Variants in PKMYT1 observed in about 807,000 individuals in gnomAD.
The protein encoded by PKMYT1 is membrane-associated tyrosine- and threonine-specific cdc2-inhibitory kinase.
A neutral mutation model predicts 49.7 loss-of-function variants in PKMYT1; 35 were observed. The observed-to-expected ratio is 0.70, with a 90% CI of 0.54 to 0.93. The LOEUF is 0.93. Among genes scored for constraint, PKMYT1 ranks in the 40% least tolerant of loss-of-function variants. The pLI is 0.00. For synonymous variants in PKMYT1, 331 were observed against 287.6 expected, an observed-to-expected ratio of 1.15 and a Z score of -1.53; for missense variants, 677 against 673.1, an observed-to-expected ratio of 1.01 and a Z score of -0.06.
In PKMYT1 at chr16:2,974,364, T is replaced by A; in HGVS notation, c.1033A>T (p.Lys345Ter). ...VLVMMLEPDP[K>*]LRATAEALLA... ...AGGGCCTCGGCCGTGGCCCGCAGCT[T>A]GGGGTCTGGCTCCAGCATCATGACA... Residue 345 changes from lysine (K) to a stop codon, truncating the protein, a stop_gained, in exon 6 of 9, where the codon AAG (lysine) becomes TAG (stop). Transcript: ENST00000262300. LOFTEE classifies it high-confidence loss of function. The A allele has an allele frequency of 6.2e-7, 1 of 1,611,092 alleles. No individual in the cohort carries two copies. Among genetic ancestry groups the A allele is most frequent in the Non-Finnish European group, 8.5e-7 (1 of 1,179,276 alleles).
Position 2,974,236 on chromosome 16 carries a change from G to A in PKMYT1, c.1152+9C>T, listed in dbSNP as rs2072113163. On this transcript the variant is annotated intron_variant, in intron 6 of 8. Transcript: ENST00000262300. The stretch of plus-strand genomic sequence containing the variant: ...GCAGGGCAGGCAGCCGCCACTGTCG[G>A]GAGCTTACCTGCCACAGGGCCCACC... 2 of 1,560,438 alleles carry A rather than the reference G, an allele frequency of 1.3e-6. No individual in the cohort carries two copies. Among genetic ancestry groups the A allele is most frequent in the African/African-American group, 2.7e-5 (2 of 73,562 alleles).
At chr16:2,973,702 A>G in intron 7 of PKMYT1, 1 of 496,834 alleles carries the variant, frequency 2.0e-6, no homozygotes. Flanking sequence ...TTCCCAGAGA[A>G]GGGACAATGT....
In PKMYT1 at chr16:2,974,563, A is replaced by G. The variant is rs373816680; in HGVS notation, c.966T>C (p.Pro322=). The change falls in exon 5 of 9, where the codon CCT becomes CCC. Residue 322 remains proline (P), a synonymous_variant. Coordinates refer to ENST00000262300, the MANE Select transcript of PKMYT1 (RefSeq NM_004203.5). Reference sequence around the variant, plus strand: ...TCACCTACTCACCGGCAGTGAACTCAGGGGGCAGGTAGCCCTGGCGCAGCT... The same window carrying G: ...TCACCTACTCACCGGCAGTGAACTCGGGGGGCAGGTAGCCCTGGCGCAGCT... ...WQQLRQGYLP[P]EFTAGLSSEL... The G allele has an allele frequency of 2.2e-5, 34 of 1,575,330 alleles. No individual in the cohort carries two copies. The highest frequency in any genetic ancestry group is 2.3e-5 in the East Asian group (1 of 43,720).
Position 2,975,595 on chromosome 16 carries a change from TCA to T in PKMYT1, c.594_595del (p.Cys198Ter). The T allele has an allele frequency of 6.2e-7, 1 of 1,611,602 alleles. No homozygotes were observed. The highest frequency in any genetic ancestry group is 8.5e-7 in the Non-Finnish European group (1 of 1,179,720). On this transcript the variant is annotated stop_gained and frameshift_variant, in exon 4 of 9. Transcript: ENST00000262300. LOFTEE classifies it high-confidence loss of function. ...CTCAGGCAGGCTGGCACCCCAGGCCTCACAGTGTTGCTGCAGGCTGGGCCCGC... is the reference window on the plus strand; with the variant it reads ...CTCAGGCAGGCTGGCACCCCAGGCCTCAGTGTTGCTGCAGGCTGGGCCCGC...
At position 2,974,370 on chromosome 16, in the gene PKMYT1, C is replaced by G. The variant is rs770973591; in HGVS notation, c.1027G>C (p.Asp343His). 4.3e-6 allele frequency: 7 copies of G among 1,611,288 alleles called. No individual in the cohort carries two copies. The African/African-American group carries it at 9.3e-5, about 22-fold the overall frequency. Residue 343 changes from aspartate to histidine, a missense_variant, in exon 6 of 9, where the codon GAC (aspartate) becomes CAC (histidine). Asp to His is a moderately conservative substitution (Grantham distance 81). Transcript: ENST00000262300. ...RSVLVMMLEP[D>H]PKLRATAEAL... ...TCGGCCGTGGCCCGCAGCTTGGGGT[C>G]TGGCTCCAGCATCATGACAAGGACA...
At chr16:2,978,661 T>C (rs1001328420) in intron 2 of PKMYT1, among the ~76,000 whole-genome samples, 12 of 150,326 alleles carry the variant, frequency 8.0e-5, no homozygotes, top group Non-Finnish European at 1.6e-4. Flanking sequence ...GGCAGGGGAA[T>C]TGCTTGAACC....
intron 7 of PKMYT1, 124 bp from the exon 8 acceptor site, chr16:2,973,339 G>C: frequency 6.5e-7 from 1 of 1,543,308 alleles, no homozygotes; most frequent in Non-Finnish European, 8.7e-7. Context: ...CACAGTCAGG[G>C]ACAATAAAAA....
intron 2 of PKMYT1, chr16:2,979,395 G>C (rs1410694569): frequency 7.5e-6 from 4 of 531,970 alleles, no homozygotes; most frequent in Non-Finnish European, 1.3e-5. Flanking sequence ...ACCTGAGGGA[G>C]TACAGGGGTG....
rs1408542893 is a variant in PKMYT1, at chr16:2,977,577, G to A, written c.11-546C>T. The A allele has an allele frequency of 8.8e-6, 7 of 795,882 alleles. No homozygotes were observed. The East Asian group carries it at 3.8e-4, about 43-fold the overall frequency. 49.3% of individuals were successfully genotyped at this position (795,882 alleles called of 1,614,324 possible). ...CCAGTGAAACAGCACAACTGATGAC[G>A]ATTATTCAAAAGCAAGCACTGAAAG... is the stretch of plus-strand genomic sequence containing the variant. On this transcript the variant is annotated intron_variant, in intron 2 of 8. Transcript: ENST00000262300.
Position 2,974,432 on chromosome 16 carries a change from G to T in PKMYT1, c.980-15C>A. ...GGAAGACAGACCTGCCCATGAGGAA[G>T]GGCCACATCGGGGTCCCAGAACACC... On this transcript the variant is annotated splice_polypyrimidine_tract_variant and intron_variant, in intron 5 of 8. Transcript: ENST00000262300. 1 of 1,598,258 alleles carries T rather than the reference G, an allele frequency of 6.3e-7. No individual in the cohort carries two copies. Among genetic ancestry groups the T allele is most frequent in the East Asian group, 2.2e-5 (1 of 44,462 alleles).
Position 2,972,810 on chromosome 16 carries a change from G to C in PKMYT1, c.*143C>G. On this transcript the variant is annotated 3_prime_UTR_variant, in exon 9 of 9. Transcript: ENST00000262300. ...GCCATGTTGCCACATGAGCAAGCTT[G>C]GGTGCTCCCAAGGTTCAAATACTTT... 1 of 1,539,112 alleles carries C rather than the reference G, an allele frequency of 6.5e-7. No individual in the cohort carries two copies. The highest frequency in any genetic ancestry group is 1.2e-5 in the South Asian group (1 of 83,782).
Position 2,974,347 on chromosome 16 carries a change from G to C in PKMYT1, c.1050C>G (p.Ala350=). ...LEPDPKLRAT[A]EALLALPVLR... ...ACACAGGCAGTGCCAGCAGGGCCTC[G>C]GCCGTGGCCCGCAGCTTGGGGTCTG... The change falls in exon 6 of 9, where the codon GCC becomes GCG. Residue 350 remains alanine, a synonymous_variant. Transcript: ENST00000262300. 6.2e-7 allele frequency: 1 copy of C among 1,609,792 alleles called. No homozygotes were observed. The highest frequency in any genetic ancestry group is 1.3e-5 in the African/African-American group (1 of 74,996).
Position 2,975,362 on chromosome 16 carries a change from C to T in PKMYT1, c.829G>A (p.Glu277Lys), listed in dbSNP as rs144899418. ...QEGDPRYMAP[E>K]LLQGSYGTAA... ...GTCCCATAGGAGCCCTGCAGCAGCTCGGGGGCCATGTAGCGGGGGTCTCCC... is the reference window on the plus strand; with the variant it reads ...GTCCCATAGGAGCCCTGCAGCAGCTTGGGGGCCATGTAGCGGGGGTCTCCC... Residue 277 changes from glutamate to lysine, a missense_variant, in exon 4 of 9, where the codon GAG (glutamate) becomes AAG (lysine). Coordinates refer to ENST00000262300, the MANE Select transcript of PKMYT1 (RefSeq NM_004203.5). 6.2e-7 allele frequency: 1 copy of T among 1,612,896 alleles called. No homozygotes were observed. Among genetic ancestry groups the T allele is most frequent in the Non-Finnish European group, 8.5e-7 (1 of 1,179,910 alleles).
At chr16:2,976,625 G>A (rs753713351) in intron 3 of PKMYT1, 39 bp downstream of exon 3, 3 of 1,410,536 alleles carry the variant, frequency 2.1e-6, no homozygotes, top group Admixed American at 2.6e-5. Context: ...ACACAAAGGA[G>A]GTCCCCCAGA....
intron 1 of PKMYT1, 21 bp from the exon 2 acceptor site, chr16:2,979,933 C>T (rs1345632485): frequency 7.7e-6 from 4 of 518,858 alleles, no homozygotes; most frequent in East Asian, 6.6e-5. Context: ...GAGCAGTGGA[C>T]GGGCTGTCAC....
At chr16:2,980,029 C>T (rs4149769) in intron 1 of PKMYT1, 117 bp from the exon 2 acceptor site, 69,603 of 257,404 alleles carry the variant, frequency 0.27, 9,821 homozygotes, top group East Asian at 0.4. Context: ...GGGAGGGCGG[C>T]GGCGCGGGGT....
At chr16:2,977,115 A>G in intron 2 of PKMYT1, 84 bp from the exon 3 acceptor site, 2 of 1,569,088 alleles carry the variant, frequency 1.3e-6, no homozygotes, top group Non-Finnish European at 8.6e-7. Context: ...GAGGCCACAG[A>G]AGAGAGCTAT....
intron 4 of PKMYT1, 101 bp downstream of exon 4, chr16:2,975,218 G>A: frequency 7.4e-7 from 1 of 1,356,166 alleles, no homozygotes; most frequent in Non-Finnish European, 9.8e-7. Context: ...GAGGCCGGGT[G>A]TCCTGGGCTA....
At position 2,976,653 on chromosome 16, in the gene PKMYT1, C is replaced by A; in HGVS notation, c.378+11G>T. 1 of 1,440,606 alleles carries A rather than the reference C, an allele frequency of 6.9e-7. No individual in the cohort carries two copies. The highest frequency in any genetic ancestry group is 9.2e-7 in the Non-Finnish European group (1 of 1,091,042). 89.2% of individuals were successfully genotyped at this position (1,440,606 alleles called of 1,614,324 possible). ...CCCCCAGATGGGCCTAGAAGCCGTC[C>A]CCTCACTCACCTTGAAGACCTCTCC... On this transcript the variant is annotated intron_variant, in intron 3 of 8. Coordinates refer to ENST00000262300, the MANE Select transcript of PKMYT1 (RefSeq NM_004203.5).
Sources: allele counts gnomAD v4.1 joint callset (sites outside exome capture counted in the v4.1 genomes callset), GRCh38; gene constraint gnomAD v4.1.1; transcripts MANE v1.5; gene names NCBI Gene and HGNC (gene_info 2026-07-23, HGNC 2026-07-21).